Variants in CENPP observed in about 807,000 individuals in gnomAD.
The protein encoded by CENPP is centromere protein P.
Under a neutral mutation model 35.6 loss-of-function variants are expected in CENPP, and 24 were observed. That is an observed-to-expected ratio of 0.67 (90% CI 0.49 to 0.95). CENPP has a LOEUF of 0.95. CENPP is among the 40% of genes least tolerant of loss of function. The probability of loss-of-function intolerance (pLI) is 0.00; values close to 1 mark genes in which losing one functional copy is unlikely to be tolerated. For missense variants in CENPP, 332 were observed against 345.3 expected (o/e 0.96, Z 0.31); for synonymous variants, 120 against 125.5 (o/e 0.96, Z 0.29).
chr9:92,600,568 C>T, intron 5 of CENPP: 2 of 1,610,026 alleles, frequency 1.2e-6, no homozygotes, highest in Non-Finnish European at 1.7e-6. Flanking sequence ...ATGTTTGGCA[C>T]AAGCCCTTGC....
chr9:92,443,938 C>A (rs1354498250), intron 5 of CENPP, among the ~76,000 whole-genome samples: 3 of 152,126 alleles, frequency 2.0e-5, no homozygotes, highest in Non-Finnish European at 4.4e-5. Flanking sequence ...GCTGGGCTTA[C>A]AGGCATGAGC....
At chr9:92,338,971 A>C (rs1161088712) in intron 3 of CENPP, among the ~76,000 whole-genome samples, 5 of 152,224 alleles carry the variant, frequency 3.3e-5, no homozygotes, top group Non-Finnish European at 7.3e-5. Context: ...GGTGCAGCAG[A>C]ACAGGGCTCA....
In CENPP at chr9:92,447,238, T is replaced by C. The variant is rs139835201; in HGVS notation, c.564+67379T>C. ...GTACTTTGTTTCTATTATTATTACA[T>C]TGTAATATATAATGAAATAATTATA... On this transcript the variant is annotated intron_variant, in intron 5 of 7. Transcript: ENST00000375587. Among the ~76,000 whole-genome samples the C allele has an allele frequency of 1.3e-3, 204 of 152,110 alleles. 1 individual carries two copies. In the East Asian group the frequency reaches 0.034, roughly 25 times the overall value.
At chr9:92,427,031 G>C (rs1393481493) in intron 5 of CENPP, among the ~76,000 whole-genome samples, 1 of 152,196 alleles carries the variant, frequency 6.6e-6, no homozygotes, top group African/African-American at 2.4e-5. Flanking sequence ...AGCAAGGAAA[G>C]TAGGAGATGG....
At chr9:92,573,357 G>T (rs1850197067) in intron 5 of CENPP, among the ~76,000 whole-genome samples, 1 of 152,180 alleles carries the variant, frequency 6.6e-6, no homozygotes, top group African/African-American at 2.4e-5. Context: ...GAGTTTGCTG[G>T]AGGTCCACTC....
intron 5 of CENPP, chr9:92,495,317 A>G: frequency 8.1e-6 from 7 of 866,484 alleles, no homozygotes; most frequent in Non-Finnish European, 8.3e-6. Flanking sequence ...AAAAATCATT[A>G]TGTTAGAAAA....
intron 5 of CENPP, among the ~76,000 whole-genome samples, chr9:92,573,277 T>G (rs1237157149): frequency 6.6e-6 from 1 of 152,232 alleles, no homozygotes; most frequent in Non-Finnish European, 1.5e-5. Context: ...GATGGGGTTT[T>G]GGTGTGGATG....
At position 92,404,832 on chromosome 9, in the gene CENPP, T is replaced by C. The variant is rs902673284; in HGVS notation, c.564+24973T>C. 3.0e-5 allele frequency: 8 copies of C among 267,784 alleles called. No homozygotes were observed. In the Admixed American group the frequency reaches 5.1e-4, roughly 17 times the overall value. 16.6% of individuals were successfully genotyped at this position (267,784 alleles called of 1,614,324 possible). ...ACATTCATGTTTTGGTGAATATTAG[T>C]TTATGAAAAATGATATAGTTTTAAA... On this transcript the variant is annotated intron_variant, in intron 5 of 7. Coordinates refer to ENST00000375587, the MANE Select transcript of CENPP (RefSeq NM_001012267.3).
intron 5 of CENPP, among the ~76,000 whole-genome samples, chr9:92,479,692 T>G (rs996603502): frequency 6.6e-6 from 1 of 152,246 alleles, no homozygotes; most frequent in African/African-American, 2.4e-5. Flanking sequence ...CTGCTAGTTC[T>G]GTCTTCTGTT....
intron 5 of CENPP, among the ~76,000 whole-genome samples, chr9:92,589,411 C>T (rs950506562): frequency 1.3e-5 from 2 of 151,304 alleles, no homozygotes; most frequent in Admixed American, 1.3e-4. Context: ...ATGACTGTAC[C>T]ATTTTATAAT....
At chr9:92,470,737 G>T in intron 5 of CENPP, 1 of 1,598,542 alleles carries the variant, frequency 6.3e-7, no homozygotes. Flanking sequence ...TGAAGATCAA[G>T]CATTCGAGTA....
At chr9:92,396,256 C>G (rs1000896911) in intron 5 of CENPP, among the ~76,000 whole-genome samples, 31 of 152,032 alleles carry the variant, frequency 2.0e-4, no homozygotes, top group African/African-American at 7.5e-4. Context: ...TGTCTTGATT[C>G]CTGTACCTTT....
At chr9:92,597,226 A>C in intron 5 of CENPP, among the ~76,000 whole-genome samples, 1 of 152,206 alleles carries the variant, frequency 6.6e-6, no homozygotes, top group East Asian at 1.9e-4. Context: ...AATATACCGC[A>C]GATTTCATAT....
intron 5 of CENPP, among the ~76,000 whole-genome samples, chr9:92,424,755 A>G (rs535856958): frequency 1.3e-5 from 2 of 152,120 alleles, no homozygotes; most frequent in African/African-American, 4.8e-5. Flanking sequence ...GCTCACCACA[A>G]CCTCCACCTC....
intron 5 of CENPP, among the ~76,000 whole-genome samples, chr9:92,518,605 G>A (rs1847874804): frequency 6.6e-6 from 1 of 152,124 alleles, no homozygotes; most frequent in Non-Finnish European, 1.5e-5. Flanking sequence ...CTTTTGAAGT[G>A]TATAATACTG....
At chr9:92,382,212 T>C (rs1315224022) in intron 5 of CENPP, among the ~76,000 whole-genome samples, 1 of 152,036 alleles carries the variant, frequency 6.6e-6, no homozygotes, top group African/African-American at 2.4e-5. Context: ...CAGAAATTTT[T>C]AATTTTTAAA....
In CENPP at chr9:92,374,119, C is replaced by CAAA. The variant is rs35803886; in HGVS notation, c.468-5625_468-5623dup. Among the ~76,000 whole-genome samples, 12 of 97,848 alleles carry CAAA rather than the reference C, an allele frequency of 1.2e-4. 1 individual carries two copies. The highest frequency in any genetic ancestry group is 3.3e-4 in the South Asian group (1 of 3,056). The allele number at this position is 97,848 out of a possible 152,430, so 64.2% of individuals were successfully genotyped here. On this transcript the variant is annotated intron_variant, in intron 4 of 7. Transcript: ENST00000375587. ...CTTGCTTTCCTGTTCCAGCAGTGAC[C>CAAA]AAAAAAAAAAAAAAAAAAAAATTAT... is the stretch of plus-strand genomic sequence containing the variant.
intron 5 of CENPP, among the ~76,000 whole-genome samples, chr9:92,527,644 A>G (rs563378359): frequency 6.6e-6 from 1 of 152,304 alleles, no homozygotes; most frequent in Non-Finnish European, 1.5e-5. Flanking sequence ...CATGAGCATG[A>G]GCTCAGGGTA....
At chr9:92,592,243 G>A (rs763906746) in intron 5 of CENPP, among the ~76,000 whole-genome samples, 3 of 151,868 alleles carry the variant, frequency 2.0e-5, no homozygotes, top group African/African-American at 4.8e-5. Context: ...CCACCACTCC[G>A]ATCAGGAAAC....
Sources: gnomAD v4.1 joint callset for allele counts (sites outside exome capture counted in the v4.1 genomes callset) on GRCh38, gnomAD v4.1.1 for gene constraint, MANE v1.5 for transcripts, NCBI Gene and HGNC (gene_info 2026-07-23, HGNC 2026-07-21) for gene names.